The following STIM1 variants were observed in gnomAD, a reference collection of about 807,000 sequenced individuals.
The protein encoded by STIM1 is stromal interaction molecule 1.
STIM1 carries 25 observed loss-of-function variants against 74.7 expected under a neutral mutation model. The ratio of observed to expected loss-of-function variants is 0.33; its 90% CI spans 0.24 to 0.47. The LOEUF is 0.47. Ranked by LOEUF, STIM1 falls within the 20% of genes least tolerant of loss-of-function variation. The pLI, the probability that STIM1 is intolerant of heterozygous loss-of-function variation, is 1.00. For missense variants in STIM1, 728 were observed against 920.8 expected (o/e 0.79, Z 2.71); for synonymous variants, 328 against 348.8 (o/e 0.94, Z 0.66).
intron 1 of STIM1, among the ~76,000 whole-genome samples, chr11:3,941,247 T>C (rs1356898402): frequency 1.3e-5 from 2 of 152,224 alleles, no homozygotes; most frequent in Non-Finnish European, 2.9e-5. Flanking sequence ...GAGGGATTGA[T>C]ATCTACAGTT....
intron 1 of STIM1, among the ~76,000 whole-genome samples, chr11:3,895,767 C>T (rs181301372): frequency 0.056 from 4,048 of 72,074 alleles, 608 homozygotes; most frequent in Middle Eastern, 0.11. Context: ...TTCCTTCCTT[C>T]CTTCCTTCCT....
At chr11:3,967,914 C>T (rs2093354949) in intron 2 of STIM1, among the ~76,000 whole-genome samples, 3 of 152,218 alleles carry the variant, frequency 2.0e-5, no homozygotes, top group Admixed American at 2.0e-4. Flanking sequence ...CCCCTGCCTA[C>T]TGGCTAGTTG....
chr11:3,974,024 A>G, intron 2 of STIM1: 1 of 691,236 alleles, frequency 1.4e-6, no homozygotes, highest in South Asian at 1.5e-5. Context: ...CCTTGCATTC[A>G]CGGCTGCATC....
intron 1 of STIM1, among the ~76,000 whole-genome samples, chr11:3,859,393 T>C (rs1342951771): frequency 6.6e-6 from 1 of 152,200 alleles, no homozygotes; most frequent in Non-Finnish European, 1.5e-5. Flanking sequence ...TGTGCTACTC[T>C]GGGGCTTGCG....
chr11:4,050,705 G>A (rs946111918), intron 3 of STIM1, among the ~76,000 whole-genome samples: 9 of 152,112 alleles, frequency 5.9e-5, no homozygotes, highest in Non-Finnish European at 1.0e-4. Flanking sequence ...TTTCCCCCAT[G>A]TAGTCAGAAA....
intron 7 of STIM1, among the ~76,000 whole-genome samples, chr11:4,079,456 C>G (rs1278750065): frequency 6.6e-6 from 1 of 151,816 alleles, no homozygotes; most frequent in African/African-American, 2.4e-5. Context: ...CACCTGTAAT[C>G]ACAGCTATTC....
intron 5 of STIM1, among the ~76,000 whole-genome samples, chr11:4,065,514 C>T (rs1448375849): frequency 1.3e-5 from 2 of 149,258 alleles, no homozygotes; most frequent in African/African-American, 5.0e-5. Flanking sequence ...TGCCTTTTAT[C>T]CTTTAAACTG....
At chr11:3,974,154 T>G in intron 2 of STIM1, 1 of 606,768 alleles carries the variant, frequency 1.6e-6, no homozygotes, top group Non-Finnish European at 3.0e-6. Flanking sequence ...CATTGGACCC[T>G]CACTGGTCAT....
rs141422915 is a variant in STIM1 at position 3,866,778 on chromosome 11, A to C, written c.139+10369A>C. On this transcript the variant is annotated intron_variant, in intron 1 of 12. Coordinates refer to ENST00000526596, the MANE Select transcript of STIM1 (RefSeq NM_001382567.1). ...TATGACAGTGTGATCCAAACTGTCAAATGACAGTTTCCTCACTTGAAAAAT... is the reference window on the plus strand; with the variant it reads ...TATGACAGTGTGATCCAAACTGTCACATGACAGTTTCCTCACTTGAAAAAT... 2.4e-3 allele frequency among the ~76,000 whole-genome samples: 370 copies of C among 152,276 alleles called. 1 individual carries two copies. Among genetic ancestry groups the C allele is most frequent in the African/African-American group, 8.5e-3 (352 of 41,554 alleles).
At chr11:3,996,732 A>G (rs959325644) in intron 2 of STIM1, among the ~76,000 whole-genome samples, 3 of 152,210 alleles carry the variant, frequency 2.0e-5, no homozygotes, top group Non-Finnish European at 4.4e-5. Flanking sequence ...GACCATTTCC[A>G]GAAACTTTAA....
intron 2 of STIM1, among the ~76,000 whole-genome samples, chr11:3,995,938 C>G (rs1204275372): frequency 6.6e-6 from 1 of 151,802 alleles, no homozygotes; most frequent in Non-Finnish European, 1.5e-5. Flanking sequence ...TTTGTTCTTA[C>G]CCTGAGAGAC....
At chr11:4,065,531 C>T (rs1237256030) in intron 5 of STIM1, among the ~76,000 whole-genome samples, 1 of 151,238 alleles carries the variant, frequency 6.6e-6, no homozygotes, top group African/African-American at 2.4e-5. Flanking sequence ...ACTGGGAACT[C>T]CTTGATGAAA....
chr11:3,998,853 A>G (rs765261226), intron 2 of STIM1, among the ~76,000 whole-genome samples: 11 of 152,204 alleles, frequency 7.2e-5, no homozygotes, highest in Non-Finnish European at 1.0e-4. Flanking sequence ...ATAAAAGATC[A>G]TGGTTTGGTC....
intron 2 of STIM1, among the ~76,000 whole-genome samples, chr11:4,001,129 T>C (rs1253130618): frequency 2.6e-5 from 4 of 152,122 alleles, no homozygotes; most frequent in African/African-American, 7.2e-5. Flanking sequence ...CTGAAAGTGA[T>C]GGGGAGAATG....
intron 1 of STIM1, among the ~76,000 whole-genome samples, chr11:3,929,057 G>C (rs1205573995): frequency 2.0e-5 from 3 of 151,980 alleles, no homozygotes; most frequent in Admixed American, 6.6e-5. Context: ...CACCATGTTG[G>C]CCAGGTTGGT....
chr11:3,896,837 T>A (rs2092193625), intron 1 of STIM1, among the ~76,000 whole-genome samples: 1 of 152,204 alleles, frequency 6.6e-6, no homozygotes, highest in Non-Finnish European at 1.5e-5. Context: ...TTGGGGAAGT[T>A]ACTTAATGTC....
At chr11:3,968,526 G>A (rs2093361692) in intron 2 of STIM1, among the ~76,000 whole-genome samples, 1 of 152,188 alleles carries the variant, frequency 6.6e-6, no homozygotes, top group Non-Finnish European at 1.5e-5. Flanking sequence ...GGCCTATACA[G>A]AGAGGAGTGA....
intron 2 of STIM1, chr11:3,974,317 T>G (rs1482146686): frequency 3.9e-6 from 1 of 255,826 alleles, no homozygotes; most frequent in African/African-American, 2.2e-5. Flanking sequence ...TTCTAATTGC[T>G]GAATATACTC....
At chr11:3,945,328 G>A (rs1262509405) in intron 1 of STIM1, among the ~76,000 whole-genome samples, 1 of 152,102 alleles carries the variant, frequency 6.6e-6, no homozygotes, top group Non-Finnish European at 1.5e-5. Flanking sequence ...TGTAATCCCA[G>A]CACTTTGGGA....
Sources: allele counts gnomAD v4.1 joint callset (sites outside exome capture counted in the v4.1 genomes callset), GRCh38; gene constraint gnomAD v4.1.1; transcripts MANE v1.5; gene names NCBI Gene and HGNC (gene_info 2026-07-23, HGNC 2026-07-21).